Variants in ABCG2 observed in about 807,000 individuals in gnomAD.
The protein encoded by ABCG2 is broad substrate specificity ATP-binding cassette transporter ABCG2.
ABCG2 carries 80 observed loss-of-function variants against 73.5 expected under a neutral mutation model. The ratio of observed to expected loss-of-function variants is 1.09; its 90% CI spans 0.91 to 1.31. The LOEUF (loss-of-function observed/expected upper bound fraction) is 1.31, where lower values mean the gene tolerates loss of function less well. Ranked by LOEUF, ABCG2 falls within the 50% of genes most tolerant of loss-of-function variation. The pLI is 0.00. For missense variants in ABCG2, 796 were observed against 786.2 expected (o/e 1.01, Z -0.15); for synonymous variants, 269 against 282.4 (o/e 0.95, Z 0.48).
At chr4:88,172,327 C>G (rs558559540) in intron 1 of ABCG2, among the ~76,000 whole-genome samples, 1 of 147,366 alleles carries the variant, frequency 6.8e-6, no homozygotes, top group Non-Finnish European at 1.5e-5. Context: ...CCTAGTGGCT[C>G]ATGCCTATAA....
At chr4:88,104,969 C>T (rs1332732174) in intron 10 of ABCG2, among the ~76,000 whole-genome samples, 1 of 152,174 alleles carries the variant, frequency 6.6e-6, no homozygotes, top group Non-Finnish European at 1.5e-5. Flanking sequence ...CCAAATGCTT[C>T]CTGCTGCACA....
intron 1 of ABCG2, among the ~76,000 whole-genome samples, chr4:88,213,786 G>C (rs937575963): frequency 2.0e-5 from 3 of 151,688 alleles, no homozygotes; most frequent in African/African-American, 7.3e-5. Flanking sequence ...GGATTCAAGC[G>C]ATTCCCCTGC....
upstream of ABCG2, among the ~76,000 whole-genome samples, chr4:88,160,723 C>T (rs936081141): frequency 6.6e-6 from 1 of 151,714 alleles, no homozygotes; most frequent in South Asian, 2.1e-4. Flanking sequence ...GTGGCTCATG[C>T]CTGTAATCCC....
intron 1 of ABCG2, among the ~76,000 whole-genome samples, chr4:88,227,288 AGG>A (rs1730258521): frequency 6.6e-6 from 1 of 152,000 alleles, no homozygotes; most frequent in South Asian, 2.1e-4. Context: ...TTCCAGTACT[AGG>A]GAGGCTAAGA....
At chr4:88,101,347 C>T (rs771435451) in intron 10 of ABCG2, 28 bp from the exon 11 acceptor site, 43 of 1,582,040 alleles carry the variant, frequency 2.7e-5, no homozygotes, top group Middle Eastern at 1.7e-4. Context: ...ACCAAATCAC[C>T]GCAGTCAACT....
At chr4:88,163,726 C>T (rs1256135981), upstream of ABCG2, 12 of 406,380 alleles carry the variant, frequency 3.0e-5, no homozygotes, top group Non-Finnish European at 5.4e-5. Flanking sequence ...CAGAGAGATC[C>T]GGAAATTTGC....
chr4:88,226,687 G>C (rs1385585526), intron 1 of ABCG2: 1 of 152,302 alleles, frequency 6.6e-6, no homozygotes, highest in East Asian at 1.9e-4. Context: ...TTCAAACCAA[G>C]GAATTCTGGC....
chr4:88,168,769 G>A (rs942373344), intron 1 of ABCG2, among the ~76,000 whole-genome samples: 1 of 151,744 alleles, frequency 6.6e-6, no homozygotes, highest in Admixed American at 6.6e-5. Context: ...AAATTTTGTA[G>A]GGAAGTACAA....
At chr4:88,186,911 T>A (rs1412279110) in intron 1 of ABCG2, among the ~76,000 whole-genome samples, 4 of 74,658 alleles carry the variant, frequency 5.4e-5, no homozygotes, top group African/African-American at 2.4e-4. Flanking sequence ...AGAGCGAGAC[T>A]CCGTCTCAAA....
At chr4:88,150,583 C>T (rs573603601) in intron 1 of ABCG2, among the ~76,000 whole-genome samples, 10 of 152,212 alleles carry the variant, frequency 6.6e-5, no homozygotes, top group Admixed American at 5.9e-4. Context: ...AATCTTTTGG[C>T]TTCCCTGGGC....
chr4:88,139,088 C>A (rs552131944), intron 2 of ABCG2, among the ~76,000 whole-genome samples: 1 of 151,212 alleles, frequency 6.6e-6, no homozygotes, highest in South Asian at 2.1e-4. Flanking sequence ...TTGCAGTGAG[C>A]CGAGATTGTG....
At chr4:88,099,694 T>C (rs948227709) in intron 11 of ABCG2, among the ~76,000 whole-genome samples, 1 of 152,186 alleles carries the variant, frequency 6.6e-6, no homozygotes, top group Non-Finnish European at 1.5e-5. Flanking sequence ...CTATTGCTGC[T>C]CTTTCTAGCT....
At chr4:88,204,729 A>G (rs1163285629) in intron 1 of ABCG2, among the ~76,000 whole-genome samples, 3 of 152,192 alleles carry the variant, frequency 2.0e-5, no homozygotes, top group Non-Finnish European at 4.4e-5. Flanking sequence ...AAAGGGAAAT[A>G]GTTGGCAGTG....
chr4:88,100,625 G>A (rs1392685634), intron 11 of ABCG2, among the ~76,000 whole-genome samples: 3 of 151,932 alleles, frequency 2.0e-5, no homozygotes, highest in African/African-American at 7.2e-5. Context: ...ACTCCAGCCT[G>A]GGCGACAAAG....
At chr4:88,224,944 T>C (rs959739470) in intron 1 of ABCG2, among the ~76,000 whole-genome samples, 1 of 152,232 alleles carries the variant, frequency 6.6e-6, no homozygotes, top group Non-Finnish European at 1.5e-5. Flanking sequence ...GAAAAGACTG[T>C]CCTTTTCCCA....
intron 1 of ABCG2, among the ~76,000 whole-genome samples, chr4:88,198,849 A>G (rs1479476167): frequency 1.3e-5 from 2 of 152,148 alleles, no homozygotes; most frequent in African/African-American, 4.8e-5. Flanking sequence ...AAGAGAAAAA[A>G]GACCCAAAAA....
chr4:88,218,905 G>C (rs747182029), intron 1 of ABCG2, among the ~76,000 whole-genome samples: 2 of 152,190 alleles, frequency 1.3e-5, no homozygotes, highest in Non-Finnish European at 2.9e-5. Context: ...GGGCCATGCA[G>C]TCTTTTTCCA....
chr4:88,155,339 A>G (rs533536679), intron 1 of ABCG2, among the ~76,000 whole-genome samples: 2 of 152,312 alleles, frequency 1.3e-5, no homozygotes, highest in Non-Finnish European at 2.9e-5. Context: ...GAATTATGAC[A>G]AGATAGGTAA....
chr4:88,202,122 G>A (rs555263135), intron 1 of ABCG2, among the ~76,000 whole-genome samples: 40 of 151,426 alleles, frequency 2.6e-4, no homozygotes, highest in African/African-American at 9.0e-4. Context: ...TACCTCAAAG[G>A]GCCTTATCAA....
Sources: allele counts gnomAD v4.1 joint callset (sites outside exome capture counted in the v4.1 genomes callset), GRCh38; gene constraint gnomAD v4.1.1; transcripts MANE v1.5; gene names NCBI Gene and HGNC (gene_info 2026-07-23, HGNC 2026-07-21).